ADAMTS6: variants seen among roughly 807,000 people sequenced by gnomAD.
The protein encoded by ADAMTS6 is ADAM metallopeptidase with thrombospondin type 1 motif 6.
Under a neutral mutation model 144.3 loss-of-function variants are expected in ADAMTS6, and 23 were observed. The ratio of observed to expected loss-of-function variants is 0.16; its 90% CI spans 0.11 to 0.23. The LOEUF (loss-of-function observed/expected upper bound fraction) is 0.23. Among genes scored for constraint, ADAMTS6 ranks in the 10% least tolerant of loss-of-function variants. ADAMTS6 has a pLI of 1.00. For synonymous variants in ADAMTS6, 444 were observed against 457.5 expected (o/e 0.97, Z 0.38); for missense variants, 999 against 1,379.6 (o/e 0.72, Z 4.37).
intron 7 of ADAMTS6, among the ~76,000 whole-genome samples, chr5:65,443,908 T>C (rs1758066993): frequency 6.6e-6 from 1 of 152,054 alleles, no homozygotes. Flanking sequence ...CTTGCTGAGG[T>C]CAGGAACAAA....
chr5:65,407,774 T>C (rs996358164), intron 7 of ADAMTS6, among the ~76,000 whole-genome samples: 3 of 152,132 alleles, frequency 2.0e-5, no homozygotes, highest in South Asian at 2.1e-4. Flanking sequence ...TTATAAATCA[T>C]GCTGCTATAA....
At chr5:65,436,743 A>G (rs910792214) in intron 7 of ADAMTS6, among the ~76,000 whole-genome samples, 2 of 151,986 alleles carry the variant, frequency 1.3e-5, no homozygotes, top group Non-Finnish European at 2.9e-5. Flanking sequence ...TTGTAATCCC[A>G]TCTACTCAGG....
intron 5 of ADAMTS6, 115 bp from the exon 6 acceptor site, chr5:65,452,331 C>T: frequency 1.3e-6 from 1 of 791,926 alleles, no homozygotes; most frequent in Non-Finnish European, 2.0e-6. Context: ...TATACATTAC[C>T]CCATATCACT....
chr5:65,458,705 C>T (rs1160573443), intron 4 of ADAMTS6, among the ~76,000 whole-genome samples: 1 of 152,200 alleles, frequency 6.6e-6, no homozygotes, highest in Non-Finnish European at 1.5e-5. Flanking sequence ...CCACTGCACC[C>T]GGCCAACCCT....
intron 7 of ADAMTS6, chr5:65,416,049 GC>G: frequency 5.3e-6 from 1 of 188,148 alleles, no homozygotes; most frequent in African/African-American, 2.4e-5. Context: ...GGGCAATTTC[GC>G]CAAGGCCAAC....
At chr5:65,480,239 A>T (rs1761110269) in intron 1 of ADAMTS6, among the ~76,000 whole-genome samples, 1 of 152,040 alleles carries the variant, frequency 6.6e-6, no homozygotes, top group African/African-American at 2.4e-5. Context: ...TGAAAATCAC[A>T]CTCAAGTGTC....
At chr5:65,243,344 T>C (rs1759354179) in intron 14 of ADAMTS6, among the ~76,000 whole-genome samples, 1 of 152,108 alleles carries the variant, frequency 6.6e-6, no homozygotes. Flanking sequence ...CTTTGAAGAA[T>C]ATGCAGTAAC....
rs1277685960 is a variant in ADAMTS6, at chr5:65,191,226, A to G, written c.2706-3006T>C. ...TGGGATTCATGTTCGAGTGTCTGAA[A>G]TAAGAGTGGCTTGCTGCAGCCTCTG... On this transcript the variant is annotated intron_variant, in intron 21 of 24. Coordinates refer to ENST00000381055, the MANE Select transcript of ADAMTS6 (RefSeq NM_197941.4). 3.3e-5 allele frequency among the ~76,000 whole-genome samples: 5 copies of G among 152,138 alleles called. No individual in the cohort carries two copies. In the East Asian group the frequency reaches 9.6e-4, roughly 29 times the overall value.
intron 7 of ADAMTS6, among the ~76,000 whole-genome samples, chr5:65,403,592 T>C (rs1004544618): frequency 6.6e-6 from 1 of 151,878 alleles, no homozygotes; most frequent in South Asian, 2.1e-4. Flanking sequence ...CTCATACTCT[T>C]ATACAATAAA....
At chr5:65,185,844 G>C (rs745953142) in intron 22 of ADAMTS6, among the ~76,000 whole-genome samples, 41 of 152,150 alleles carry the variant, frequency 2.7e-4, no homozygotes, top group Non-Finnish European at 5.6e-4. Context: ...ATCTCTCAAG[G>C]TGACTATATG....
intron 7 of ADAMTS6, among the ~76,000 whole-genome samples, chr5:65,381,281 A>G (rs1285625334): frequency 6.6e-6 from 1 of 152,192 alleles, no homozygotes; most frequent in Non-Finnish European, 1.5e-5. Flanking sequence ...TGACAGTTAA[A>G]AAGGCAAACA....
intron 12 of ADAMTS6, among the ~76,000 whole-genome samples, 172 bp from the exon 13 acceptor site, chr5:65,263,134 T>C (rs1391997369): frequency 6.6e-6 from 1 of 152,198 alleles, no homozygotes; most frequent in African/African-American, 2.4e-5. Context: ...TGCATGTGAC[T>C]TGCGAATTAT....
At chr5:65,180,658 G>C (rs1754290215) in intron 22 of ADAMTS6, among the ~76,000 whole-genome samples, 1 of 152,046 alleles carries the variant, frequency 6.6e-6, no homozygotes, top group Admixed American at 6.6e-5. Context: ...ACTTTAGTCA[G>C]AGGGATCTTT....
At chr5:65,463,444 C>A (rs1357004190) in intron 3 of ADAMTS6, among the ~76,000 whole-genome samples, 1 of 152,224 alleles carries the variant, frequency 6.6e-6, no homozygotes, top group East Asian at 1.9e-4. Context: ...GGTCTGAAAA[C>A]CAGATGATGG....
intron 15 of ADAMTS6, among the ~76,000 whole-genome samples, chr5:65,229,790 C>T (rs770663776): frequency 6.6e-6 from 1 of 152,032 alleles, no homozygotes; most frequent in Non-Finnish European, 1.5e-5. Context: ...AAGATAACTA[C>T]ATTTTCACAT....
chr5:65,424,947 C>T (rs951292966), intron 7 of ADAMTS6, among the ~76,000 whole-genome samples: 46 of 151,976 alleles, frequency 3.0e-4, no homozygotes, highest in African/African-American at 1.1e-3. Flanking sequence ...TTTTTACTCC[C>T]TTGGTTTCAA....
At position 65,150,318 on chromosome 5, in the gene ADAMTS6, G is replaced by C. The variant is rs949729832; in HGVS notation, c.*1518C>G. 5 of 152,620 alleles carry C rather than the reference G, an allele frequency of 3.3e-5. No individual in the cohort carries two copies. The highest frequency in any genetic ancestry group is 1.3e-4 in the Admixed American group (2 of 15,282). The allele number at this position is 152,620 out of a possible 1,614,324, so 9.5% of individuals were successfully genotyped here. ...AAAGCACATTCATCAAGAACCTGCT[G>C]CAAGCTACACGTGTTCAAGTAAAAA... On this transcript the variant is annotated 3_prime_UTR_variant, in exon 25 of 25. Coordinates refer to ENST00000381055, the MANE Select transcript of ADAMTS6 (RefSeq NM_197941.4).
intron 3 of ADAMTS6, 96 bp from the exon 4 acceptor site, chr5:65,460,434 C>T: frequency 8.8e-7 from 1 of 1,140,914 alleles, no homozygotes; most frequent in Non-Finnish European, 1.2e-6. Flanking sequence ...GACACTTCTC[C>T]ATTTACAGGG....
intron 11 of ADAMTS6, 117 bp downstream of exon 11, chr5:65,291,212 A>G (rs570835412): frequency 1.2e-4 from 143 of 1,240,066 alleles, no homozygotes; most frequent in Non-Finnish European, 1.5e-4. Context: ...GTCAAAAGCC[A>G]TATTTAAATT....
Sources: gnomAD v4.1 joint callset for allele counts (sites outside exome capture counted in the v4.1 genomes callset) on GRCh38, gnomAD v4.1.1 for gene constraint, MANE v1.5 for transcripts, NCBI Gene and HGNC (gene_info 2026-07-23, HGNC 2026-07-21) for gene names.